GAB2: variants seen among roughly 807,000 people sequenced by gnomAD.
The protein encoded by GAB2 is GRB2-associated-binding protein 2.
GAB2 carries 26 observed loss-of-function variants against 65.5 expected under a neutral mutation model. That is an observed-to-expected ratio of 0.40 (90% CI 0.29 to 0.55). GAB2 has a LOEUF of 0.55. Ranked by LOEUF, GAB2 falls within the 20% of genes least tolerant of loss-of-function variation. The pLI, the probability that GAB2 is intolerant of heterozygous loss-of-function variation, is 0.53. For missense variants in GAB2, 884 were observed against 875.8 expected (o/e 1.01, Z -0.12); for synonymous variants, 321 against 329.6 (o/e 0.97, Z 0.28).
intron 5 of GAB2, among the ~76,000 whole-genome samples, chr11:78,224,589 C>T (rs1864566716): frequency 2.0e-5 from 3 of 152,192 alleles, no homozygotes; most frequent in South Asian, 2.1e-4. Context: ...CCTTGGTTAC[C>T]TGATTTCACT....
rs1864074662 is a variant in GAB2 at position 78,215,465 on chromosome 11, C to T, written c.*3807G>A. The T allele has an allele frequency of 2.0e-5, 3 of 152,578 alleles. No individual in the cohort carries two copies. Among genetic ancestry groups the T allele is most frequent in the African/African-American group, 7.2e-5 (3 of 41,418 alleles). The allele number at this position is 152,578 out of a possible 1,614,324, so 9.5% of individuals were successfully genotyped here. A position where few individuals can be genotyped will look rare whatever the true frequency, so the allele number is the denominator to read the frequency against. ...ATGTTACAATTTAAAAAAAAGAATA[C>T]AACAGAATAAATTAATAACTTAAGT... On this transcript the variant is annotated 3_prime_UTR_variant, in exon 10 of 10. Transcript: ENST00000361507.
intron 1 of GAB2, among the ~76,000 whole-genome samples, chr11:78,374,242 T>A (rs1250856762): frequency 6.6e-6 from 1 of 152,204 alleles, no homozygotes; most frequent in Non-Finnish European, 1.5e-5. Flanking sequence ...ACTGTGTGTG[T>A]CTCTCAAATC....
intron 1 of GAB2, among the ~76,000 whole-genome samples, chr11:78,334,452 C>A (rs966238710): frequency 3.3e-5 from 5 of 152,158 alleles, no homozygotes; most frequent in African/African-American, 1.2e-4. Flanking sequence ...CTGTCTATCT[C>A]CATGAGTGCA....
intron 1 of GAB2, among the ~76,000 whole-genome samples, chr11:78,291,621 G>A (rs1866684579): frequency 7.3e-6 from 1 of 136,604 alleles, no homozygotes; most frequent in African/African-American, 2.8e-5. Flanking sequence ...GCCCAGACGG[G>A]AGTGCAGTGG....
rs894718172 is a variant in GAB2, at chr11:78,291,247, T to C, written c.76-10346A>G. On this transcript the variant is annotated intron_variant, in intron 1 of 9. Coordinates refer to ENST00000361507, the MANE Select transcript of GAB2 (RefSeq NM_080491.3). ...GCAGGCAGATCACGAGGTCAGGAGA[T>C]TGAGACCATCCTGGCTAATACGGTG... Among the ~76,000 whole-genome samples the C allele has an allele frequency of 2.1e-5, 3 of 145,292 alleles. No homozygotes were observed. The East Asian group carries it at 6.0e-4, about 29-fold the overall frequency.
chr11:78,411,056 G>A (rs1178623127), intron 1 of GAB2, among the ~76,000 whole-genome samples: 4 of 150,206 alleles, frequency 2.7e-5, no homozygotes, highest in Non-Finnish European at 5.9e-5. Context: ...GGGAGGCTGA[G>A]ACAGTAGGAT....
At chr11:78,401,915 C>A (rs1369277989) in intron 1 of GAB2, among the ~76,000 whole-genome samples, 1 of 152,094 alleles carries the variant, frequency 6.6e-6, no homozygotes, top group Non-Finnish European at 1.5e-5. Flanking sequence ...CAATAGAAAC[C>A]TACTAAAATG....
chr11:78,400,896 T>C (rs2135079562), intron 1 of GAB2, among the ~76,000 whole-genome samples: 1 of 93,208 alleles, frequency 1.1e-5, no homozygotes, highest in African/African-American at 4.7e-5. Context: ...AGAGTGAGAC[T>C]GTCTCAAAAA....
chr11:78,254,365 G>A (rs1212587649), intron 2 of GAB2, among the ~76,000 whole-genome samples: 1 of 152,134 alleles, frequency 6.6e-6, no homozygotes, highest in Non-Finnish European at 1.5e-5. Context: ...GTTTCTTGTG[G>A]TCAAAATCAG....
chr11:78,321,617 G>A (rs1392043827), intron 1 of GAB2, among the ~76,000 whole-genome samples: 32 of 152,172 alleles, frequency 2.1e-4, no homozygotes, highest in Admixed American at 2.0e-3. Flanking sequence ...AGAGGAGGGA[G>A]AAGATTATAT....
intron 1 of GAB2, among the ~76,000 whole-genome samples, chr11:78,352,270 G>A (rs191686168): frequency 2.6e-5 from 4 of 152,286 alleles, no homozygotes; most frequent in East Asian, 1.9e-4. Context: ...AAAGTCAGAC[G>A]GGGACTAGCT....
At chr11:78,230,519 C>T (rs1208907582) in intron 3 of GAB2, among the ~76,000 whole-genome samples, 3 of 152,268 alleles carry the variant, frequency 2.0e-5, no homozygotes, top group Non-Finnish European at 2.9e-5. Context: ...TCTGTGCTTC[C>T]ATCGCAACAC....
At chr11:78,363,009 C>T (rs1856454022) in intron 1 of GAB2, among the ~76,000 whole-genome samples, 1 of 152,056 alleles carries the variant, frequency 6.6e-6, no homozygotes, top group Non-Finnish European at 1.5e-5. Context: ...GTGACAAGTC[C>T]ATTACATAAT....
intron 3 of GAB2, among the ~76,000 whole-genome samples, chr11:78,233,965 A>G (rs1380332856): frequency 6.6e-6 from 1 of 152,124 alleles, no homozygotes. Context: ...TTTGATAAAG[A>G]CTACTTCACC....
intron 1 of GAB2, among the ~76,000 whole-genome samples, chr11:78,399,105 G>C (rs1252576625): frequency 6.6e-6 from 1 of 152,148 alleles, no homozygotes; most frequent in Non-Finnish European, 1.5e-5. Context: ...AAATAAATAA[G>C]AAGCCAGCAT....
intron 1 of GAB2, among the ~76,000 whole-genome samples, chr11:78,333,786 G>A (rs936887742): frequency 1.3e-5 from 2 of 152,086 alleles, no homozygotes; most frequent in African/African-American, 4.8e-5. Context: ...ACACCTGAAG[G>A]CTCCTCTCCT....
chr11:78,400,609 G>A (rs11237482), intron 1 of GAB2, among the ~76,000 whole-genome samples: 4,137 of 152,142 alleles, frequency 0.027, 201 homozygotes, highest in African/African-American at 0.096. Flanking sequence ...AACATCAAAG[G>A]TGTTTCATTA....
rs571664225 is a variant in GAB2 at position 78,387,491 on chromosome 11, G to A, written c.75+30155C>T. 2.0e-5 allele frequency among the ~76,000 whole-genome samples: 3 copies of A among 152,304 alleles called. No homozygotes were observed. The South Asian group carries it at 6.2e-4, about 32-fold the overall frequency. Reference sequence around the variant, plus strand: ...CCAATGGGTCAGAATTAAGTCCACAGTAACAGTGGTCTCTCAGTGGGTTGA... The same window carrying A: ...CCAATGGGTCAGAATTAAGTCCACAATAACAGTGGTCTCTCAGTGGGTTGA... On this transcript the variant is annotated intron_variant, in intron 1 of 9. Coordinates refer to ENST00000361507, the MANE Select transcript of GAB2 (RefSeq NM_080491.3).
In GAB2 at chr11:78,221,688, A is replaced by G; in HGVS notation, c.1750T>C (p.Tyr584His). ...CCCGAAGGACTCACCATAGGGACAT[A>G]GTTCTCTTCGCTGTCTCCTGAGTCT... ...STDSGDSEEN[Y>H]VPMQNPVSAS... The change falls in exon 8 of 10, where the codon TAT (tyrosine) becomes CAT (histidine). Residue 584 changes from tyrosine (Y) to histidine (H), a missense_variant. By Grantham distance (83) the Tyr-to-His change is moderately conservative (BLOSUM62 2). Transcript: ENST00000361507. 6.2e-7 allele frequency: 1 copy of G among 1,610,148 alleles called. No individual in the cohort carries two copies.
Sources: gnomAD v4.1 joint callset for allele counts (sites outside exome capture counted in the v4.1 genomes callset) on GRCh38, gnomAD v4.1.1 for gene constraint, MANE v1.5 for transcripts, NCBI Gene and HGNC (gene_info 2026-07-23, HGNC 2026-07-21) for gene names.